Variants in PALLD observed in about 807,000 individuals in gnomAD.
PALLD encodes the protein palladin.
Under a neutral mutation model 123.5 loss-of-function variants are expected in PALLD, and 61 were observed. The observed-to-expected ratio is 0.49, with a 90% CI of 0.40 to 0.61. The LOEUF is 0.61. PALLD is among the 20% of genes least tolerant of loss of function. The probability of loss-of-function intolerance (pLI) is 0.00; values close to 1 mark genes in which losing one functional copy is unlikely to be tolerated. For missense variants in PALLD, 1,273 were observed against 1,377.0 expected, an observed-to-expected ratio of 0.92 and a Z score of 1.20; for synonymous variants, 465 against 496.4, an observed-to-expected ratio of 0.94 and a Z score of 0.84.
Position 168,819,415 on chromosome 4 carries a change from T to A in PALLD, c.1965-71507T>A, listed in dbSNP as rs1742408114. 4.0e-5 allele frequency among the ~76,000 whole-genome samples: 6 copies of A among 149,990 alleles called. No homozygotes were observed. The Admixed American group carries it at 4.0e-4, about 10-fold the overall frequency. On this transcript the variant is annotated intron_variant, in intron 10 of 21. Coordinates refer to ENST00000505667, the MANE Select transcript of PALLD (RefSeq NM_001166108.2). ...GTGAGGTAACCAGAGACTGGCAGAG[T>A]CAGCCCAGGATTAAACACCGTCATC...
At chr4:168,724,446 C>T (rs1786342654) in intron 10 of PALLD, among the ~76,000 whole-genome samples, 1 of 152,134 alleles carries the variant, frequency 6.6e-6, no homozygotes, top group Non-Finnish European at 1.5e-5. Flanking sequence ...CCAGAGAGTT[C>T]ATTTTCTCAA....
chr4:168,571,157 T>C (rs1768941576), intron 2 of PALLD, among the ~76,000 whole-genome samples: 1 of 152,174 alleles, frequency 6.6e-6, no homozygotes, highest in African/African-American at 2.4e-5. Context: ...TTGCCTTCTT[T>C]ACCATTCAGT....
intron 2 of PALLD, among the ~76,000 whole-genome samples, chr4:168,558,885 G>A (rs1273507384): frequency 1.3e-5 from 2 of 152,094 alleles, no homozygotes; most frequent in Non-Finnish European, 2.9e-5. Context: ...ACATGACCTA[G>A]GTGTGTCTTT....
At chr4:168,820,562 G>A (rs982880883) in intron 10 of PALLD, among the ~76,000 whole-genome samples, 9 of 152,106 alleles carry the variant, frequency 5.9e-5, no homozygotes, top group East Asian at 1.9e-4. Flanking sequence ...TCACAAGTGC[G>A]TATGTTGAGA....
intron 10 of PALLD, among the ~76,000 whole-genome samples, chr4:168,753,989 A>AAT (rs1731422351): frequency 6.6e-6 from 1 of 152,244 alleles, no homozygotes; most frequent in Admixed American, 6.5e-5. Context: ...CATACTATGT[A>AAT]ATAGGTATGC....
At chr4:168,647,649 T>C (rs1034271719) in intron 2 of PALLD, among the ~76,000 whole-genome samples, 2 of 152,042 alleles carry the variant, frequency 1.3e-5, no homozygotes, top group South Asian at 4.2e-4. Flanking sequence ...GGCATGGTAG[T>C]GCACACCTGT....
At chr4:168,543,447 A>T (rs1765839986) in intron 2 of PALLD, among the ~76,000 whole-genome samples, 1 of 152,056 alleles carries the variant, frequency 6.6e-6, no homozygotes, top group Admixed American at 6.6e-5. Flanking sequence ...AATGTATAAA[A>T]CACAATCTCT....
intron 11 of PALLD, chr4:168,894,202 C>G: frequency 3.4e-6 from 1 of 297,954 alleles, no homozygotes. Context: ...CTTGGGTGTT[C>G]TGAAGCTGAT....
chr4:168,833,718 C>T (rs937969099), intron 10 of PALLD, among the ~76,000 whole-genome samples: 34 of 151,602 alleles, frequency 2.2e-4, no homozygotes, highest in Non-Finnish European at 4.9e-4. Flanking sequence ...TCTAGAAAGA[C>T]AGCATCTTTC....
chr4:168,622,427 G>C (rs1471074980), intron 2 of PALLD, among the ~76,000 whole-genome samples: 1 of 152,200 alleles, frequency 6.6e-6, no homozygotes, highest in Non-Finnish European at 1.5e-5. Flanking sequence ...GCATGATTCA[G>C]ATGTTGAGTT....
chr4:168,925,964 T>TA (rs11357121), intron 21 of PALLD, among the ~76,000 whole-genome samples: 45 of 150,132 alleles, frequency 3.0e-4, no homozygotes, highest in South Asian at 4.2e-4. Context: ...AGTGTTTACT[T>TA]AAAAAAAAAA....
chr4:168,925,085 G>T lies in PALLD; in HGVS notation c.3358+7G>T, dbSNP rs779641014. The T allele has an allele frequency of 1.2e-6, 2 of 1,613,828 alleles. No homozygotes were observed. Among genetic ancestry groups the T allele is most frequent in the Admixed American group, 1.7e-5 (1 of 60,008 alleles). On this transcript the variant is annotated splice_region_variant and intron_variant, in intron 20 of 21. Transcript: ENST00000505667. ...GCCAGGCTGGACGTTTACAGTGAGT[G>T]CCACTTCATCTCATTTCATTGCGTT... is the stretch of plus-strand genomic sequence containing the variant.
At chr4:168,624,436 T>C (rs1038416854) in intron 2 of PALLD, among the ~76,000 whole-genome samples, 1 of 152,128 alleles carries the variant, frequency 6.6e-6, no homozygotes, top group African/African-American at 2.4e-5. Context: ...ATTAATATTC[T>C]CTTAGCATAA....
At chr4:168,607,861 G>A (rs926656269) in intron 2 of PALLD, among the ~76,000 whole-genome samples, 3 of 152,270 alleles carry the variant, frequency 2.0e-5, no homozygotes, top group Admixed American at 1.3e-4. Flanking sequence ...ATGAAAGACA[G>A]GGTTCAGAAA....
chr4:168,597,597 T>C (rs1006942382), intron 2 of PALLD, among the ~76,000 whole-genome samples: 1 of 152,232 alleles, frequency 6.6e-6, no homozygotes, highest in Middle Eastern at 3.4e-3. Context: ...AATGTTATAA[T>C]ACATTATGTA....
intron 10 of PALLD, among the ~76,000 whole-genome samples, chr4:168,874,635 A>G (rs1751498950): frequency 8.0e-6 from 1 of 125,626 alleles, no homozygotes; most frequent in Non-Finnish European, 1.7e-5. Context: ...CTCAGAAGGA[A>G]AATATAGCCA....
chr4:168,504,269 C>T (rs751085115), intron 1 of PALLD, among the ~76,000 whole-genome samples: 2 of 152,154 alleles, frequency 1.3e-5, no homozygotes, highest in African/African-American at 4.8e-5. Flanking sequence ...TGGTGAAGAA[C>T]ATAATGCTAC....
intron 2 of PALLD, among the ~76,000 whole-genome samples, chr4:168,626,363 T>A (rs950583623): frequency 1.5e-5 from 2 of 136,368 alleles, no homozygotes; most frequent in African/African-American, 5.7e-5. Context: ...ATCGCACCAC[T>A]GCACTCCAGC....
intron 7 of PALLD, 40 bp downstream of exon 7, chr4:168,690,784 A>T: frequency 6.2e-7 from 1 of 1,606,532 alleles, no homozygotes; most frequent in Non-Finnish European, 8.5e-7. Flanking sequence ...TGACCATTTT[A>T]TTCTCTCCAG....
Sources: allele counts gnomAD v4.1 joint callset (sites outside exome capture counted in the v4.1 genomes callset), GRCh38; gene constraint gnomAD v4.1.1; transcripts MANE v1.5; gene names NCBI Gene and HGNC (gene_info 2026-07-23, HGNC 2026-07-21).